TTBK1: variants seen among roughly 807,000 people sequenced by gnomAD.
TTBK1 encodes the protein tau-tubulin kinase 1.
In TTBK1, 34 loss-of-function variants were observed where a neutral mutation model predicts 108.5. That is an observed-to-expected ratio of 0.31 (90% CI 0.24 to 0.42). The LOEUF is 0.42. Among genes scored for constraint, TTBK1 ranks in the 10% least tolerant of loss-of-function variants. The pLI is 1.00. For missense variants in TTBK1, 1,539 were observed against 1,826.0 expected, an observed-to-expected ratio of 0.84 and a Z score of 2.86; for synonymous variants, 809 against 795.1, an observed-to-expected ratio of 1.02 and a Z score of -0.29.
intron 2 of TTBK1, among the ~76,000 whole-genome samples, chr6:43,251,642 C>T (rs970071493): frequency 3.3e-5 from 5 of 152,170 alleles, no homozygotes; most frequent in African/African-American, 1.2e-4. Flanking sequence ...CCAGCTCTTC[C>T]TTCACTTTAT....
chr6:43,275,365 C>T (rs1777946770), intron 13 of TTBK1, among the ~76,000 whole-genome samples: 1 of 151,974 alleles, frequency 6.6e-6, no homozygotes, highest in Admixed American at 6.5e-5. Flanking sequence ...CCGCCGCCCC[C>T]GTCGCCCCGC....
At position 43,285,039 on chromosome 6, in the gene TTBK1, A is replaced by C. The variant is rs1778322126; in HGVS notation, c.3629A>C (p.Gln1210Pro). The change falls in exon 15 of 15, where the codon CAA becomes CCA. Residue 1210 changes from glutamine (Q) to proline (P), a missense_variant. Physicochemically the swap from Gln to Pro is moderately conservative, Grantham distance 76 (BLOSUM62 -1). This residue lies in a region of TTBK1 where 1,055 missense variants were observed against 1,086.5 expected (regional missense o/e 0.97). Transcript: ENST00000259750. The surrounding 1 kb of genome is among the most constrained non-coding windows in gnomAD (Gnocchi z 4.7). Reference sequence around the variant, plus strand: ...ACTGCTGCTGACCTCCGCCCCAAACAACCTCCTGGCCGCGGCCTGGGCCCA... The same window carrying C: ...ACTGCTGCTGACCTCCGCCCCAAACCACCTCCTGGCCGCGGCCTGGGCCCA... ...SATAADLRPK[Q>P]PPGRGLGPGR... 4.6e-6 allele frequency: 7 copies of C among 1,513,932 alleles called. No individual in the cohort carries two copies. The highest frequency in any genetic ancestry group is 1.2e-5 in the South Asian group (1 of 82,244). The allele number at this position is 1,513,932 out of a possible 1,614,324, so 93.8% of individuals were successfully genotyped here. A position where few individuals can be genotyped will look rare whatever the true frequency, so the allele number is the denominator to read the frequency against.
At chr6:43,279,639 C>A (rs1026513074) in intron 13 of TTBK1, among the ~76,000 whole-genome samples, 1 of 152,222 alleles carries the variant, frequency 6.6e-6, no homozygotes. Flanking sequence ...CAAGGCCTGG[C>A]ACACAGTTGG....
intron 13 of TTBK1, among the ~76,000 whole-genome samples, chr6:43,266,257 T>C (rs1277808822): frequency 6.6e-6 from 1 of 152,198 alleles, no homozygotes; most frequent in Non-Finnish European, 1.5e-5. Flanking sequence ...TGCATGTGGG[T>C]GCACACATTA....
Position 43,246,707 on chromosome 6 carries a change from G to A in TTBK1, c.47G>A (p.Gly16Glu). 1 of 1,612,524 alleles carries A rather than the reference G, an allele frequency of 6.2e-7. No individual in the cohort carries two copies. The highest frequency in any genetic ancestry group is 8.5e-7 in the Non-Finnish European group (1 of 1,179,366). ...CTTAAGGACGAAACCAACATGAGTG[G>A]GGGAGGGGAGCAGGCCGACATCCTG... ...AALKDETNMS[G>E]GGEQADILPA... is the part of the protein sequence containing the mutation. The change falls in exon 2 of 15, where the codon GGG becomes GAG. Residue 16 changes from glycine to glutamate, a missense_variant. This residue lies in a region of TTBK1 where 45 missense variants were observed against 38.0 expected (regional missense o/e 1.19). Coordinates refer to ENST00000259750, the MANE Select transcript of TTBK1 (RefSeq NM_032538.3).
At position 43,253,026 on chromosome 6, in the gene TTBK1, G is replaced by T. The variant is rs1005575171; in HGVS notation, c.256+140G>T. The T allele has an allele frequency of 1.4e-5, 15 of 1,100,870 alleles. No individual in the cohort carries two copies. Among genetic ancestry groups the T allele is most frequent in the Non-Finnish European group, 2.0e-5 (15 of 765,264 alleles). The allele number at this position is 1,100,870 out of a possible 1,614,324, so 68.2% of individuals were successfully genotyped here. On this transcript the variant is annotated intron_variant, in intron 3 of 14. Transcript: ENST00000259750. The surrounding 1 kb of genome is among the most constrained non-coding windows in gnomAD (Gnocchi z 5.8). ...AGGGGATGGAGCCAGGAGCTAAGGG[G>T]GAGGTGACGGAGCCAGAGTCTAGGA...
chr6:43,271,597 A>G (rs1165286170), intron 13 of TTBK1: 1 of 985,106 alleles, frequency 1.0e-6, no homozygotes, highest in Non-Finnish European at 1.2e-6. Flanking sequence ...TAGAGGCCTC[A>G]GGGCCCTGGC....
At chr6:43,266,998 C>CGCGT (rs1777695523) in intron 13 of TTBK1, among the ~76,000 whole-genome samples, 1 of 128,106 alleles carries the variant, frequency 7.8e-6, no homozygotes, top group Non-Finnish European at 1.6e-5. Flanking sequence ...CTGGAGCATG[C>CGCGT]GTGTGTGTGT....
At chr6:43,277,036 C>T (rs1278860027) in intron 13 of TTBK1, among the ~76,000 whole-genome samples, 1 of 152,130 alleles carries the variant, frequency 6.6e-6, no homozygotes, top group Admixed American at 6.5e-5. Context: ...GGGCTGGGCC[C>T]ACCAGGCCCA....
rs946812380 is a variant in TTBK1 at position 43,284,120 on chromosome 6, C to T, written c.3380C>T (p.Thr1127Met). Reference protein sequence around the residue: ...QRRASETLSGTGSEEDTPASE... With the variant: ...QRRASETLSGMGSEEDTPASE... ...CGTGCCTCTGAGACCCTCTCAGGCACGGGCTCTGAGGAGGACACGCCCGCC... is the reference window on the plus strand; with the variant it reads ...CGTGCCTCTGAGACCCTCTCAGGCATGGGCTCTGAGGAGGACACGCCCGCC... Residue 1127 changes from threonine (T) to methionine (M), a missense_variant, in exon 14 of 15, where the codon ACG (threonine) becomes ATG (methionine). Transcript: ENST00000259750. The T allele has an allele frequency of 7.1e-6, 11 of 1,539,558 alleles. No homozygotes were observed. Among genetic ancestry groups the T allele is most frequent in the Non-Finnish European group, 9.6e-6 (11 of 1,147,350 alleles).
At position 43,285,179 on chromosome 6, in the gene TTBK1, AG is replaced by A; in HGVS notation, c.3770del (p.Arg1257LysfsTer126). Reference protein sequence around the residue: ...ASPRSQSLSRRESPSPSHQAR... With the variant: ...ASPRSQSLSRXESPSPSHQAR... Reference sequence around the variant, plus strand: ...CCCCCGGAGCCAGTCCCTGTCCCGCAGAGAGAGCCCCTCCCCCTCGCACCAG... The same window carrying A: ...CCCCCGGAGCCAGTCCCTGTCCCGCAAGAGAGCCCCTCCCCCTCGCACCAG... On this transcript the variant is annotated frameshift_variant, in exon 15 of 15. Transcript: ENST00000259750. LOFTEE classifies it high-confidence loss of function. The surrounding 1 kb of genome is among the most constrained non-coding windows in gnomAD (Gnocchi z 4.7). The A allele has an allele frequency of 1.5e-6, 2 of 1,379,048 alleles. No individual in the cohort carries two copies. The highest frequency in any genetic ancestry group is 1.9e-6 in the Non-Finnish European group (2 of 1,073,580). The allele number at this position is 1,379,048 out of a possible 1,614,324, so 85.4% of individuals were successfully genotyped here. A position where few individuals can be genotyped will look rare whatever the true frequency, so the allele number is the denominator to read the frequency against.
At chr6:43,255,897 T>C (rs763061957) in intron 9 of TTBK1, 41 bp downstream of exon 9, 1 of 1,612,478 alleles carries the variant, frequency 6.2e-7, no homozygotes, top group Non-Finnish European at 8.5e-7. Context: ...TCGACACCAC[T>C]CTGTGAGTGA....
At chr6:43,272,733 G>GCTTC in intron 13 of TTBK1, 3 of 962,160 alleles carry the variant, frequency 3.1e-6, no homozygotes, top group Non-Finnish European at 3.7e-6. Context: ...GCTCGGCAGA[G>GCTTC]CTTCACATGG....
chr6:43,278,345 G>A (rs1778064653), intron 13 of TTBK1, among the ~76,000 whole-genome samples: 1 of 152,154 alleles, frequency 6.6e-6, no homozygotes, highest in African/African-American at 2.4e-5. Flanking sequence ...TGGAGGGGAG[G>A]GGCTGGGGCT....
At position 43,255,543 on chromosome 6, in the gene TTBK1, C is replaced by A. The variant is rs137935648; in HGVS notation, c.643-9C>A. ...AGAGCTGCAGGTGACTCCCTCCCCC[C>A]ACCTCCAGGAGATGGGCCGCCACGA... On this transcript the variant is annotated splice_polypyrimidine_tract_variant and intron_variant, in intron 7 of 14. Transcript: ENST00000259750. 2.4e-5 allele frequency: 38 copies of A among 1,592,264 alleles called. No individual in the cohort carries two copies. Among genetic ancestry groups the A allele is most frequent in the Non-Finnish European group, 3.0e-5 (35 of 1,169,872 alleles).
intron 13 of TTBK1, among the ~76,000 whole-genome samples, chr6:43,274,316 A>G (rs921006157): frequency 1.3e-5 from 2 of 152,302 alleles, no homozygotes; most frequent in South Asian, 2.1e-4. Flanking sequence ...CCTCTGAGCC[A>G]TGCTGGTCCC....
intron 5 of TTBK1, among the ~76,000 whole-genome samples, chr6:43,254,303 C>T (rs1329368841): frequency 2.0e-5 from 3 of 152,256 alleles, no homozygotes; most frequent in Non-Finnish European, 4.4e-5. Flanking sequence ...TGTGTAATCT[C>T]AGAGATGCTT....
rs1777579960 is a variant in TTBK1 at position 43,262,917 on chromosome 6, T to C, written c.1553T>C (p.Val518Ala). The C allele has an allele frequency of 6.2e-7, 1 of 1,613,890 alleles. No individual in the cohort carries two copies. The highest frequency in any genetic ancestry group is 1.3e-5 in the African/African-American group (1 of 74,936). Residue 518 changes from valine to alanine, a missense_variant, in exon 13 of 15, where the codon GTG becomes GCG. This residue lies in a region of TTBK1 where 277 missense variants were observed against 332.4 expected (regional missense o/e 0.83). Transcript: ENST00000259750. ...GGCCGCATGGACGTGTCAGCCTCTG[T>C]GGAGCAGGAGGCCCTGAGCAACGCC... Reference protein sequence around the residue: ...ASGRMDVSASVEQEALSNAFR... With the variant: ...ASGRMDVSASAEQEALSNAFR...
In TTBK1 at chr6:43,285,563, G is replaced by A. The variant is rs968417066; in HGVS notation, c.*187G>A. 27 of 699,918 alleles carry A rather than the reference G, an allele frequency of 3.9e-5. No individual in the cohort carries two copies. Among genetic ancestry groups the A allele is most frequent in the Non-Finnish European group, 4.5e-5 (23 of 512,862 alleles). 43.4% of individuals were successfully genotyped at this position (699,918 alleles called of 1,614,324 possible). A position where few individuals can be genotyped will look rare whatever the true frequency, so the allele number is the denominator to read the frequency against. On this transcript the variant is annotated 3_prime_UTR_variant, in exon 15 of 15. Transcript: ENST00000259750. This position sits in a 1 kb window ranked among gnomAD's most constrained non-coding sequence, Gnocchi z 4.7. ...GGCGCCCCGCCAGGCCTTAGGGCCC[G>A]TGGGGGACGCGGCCCCGCGCCGCGG... is the stretch of plus-strand genomic sequence containing the variant.
Sources: gnomAD v4.1 joint callset for allele counts (sites outside exome capture counted in the v4.1 genomes callset) on GRCh38, gnomAD v4.1.1 for gene constraint, gnomAD v4.1.1 regional missense constraint, Gnocchi (gnomAD v3.1) non-coding constraint, MANE v1.5 for transcripts, NCBI Gene and HGNC (gene_info 2026-07-23, HGNC 2026-07-21) for gene names.